Variants in TMEM132D observed in about 807,000 individuals in gnomAD.
The protein encoded by TMEM132D is mature OL transmembrane protein.
A neutral mutation model predicts 62.3 loss-of-function variants in TMEM132D; 21 were observed. The ratio of observed to expected loss-of-function variants is 0.34; its 90% CI spans 0.24 to 0.49. The LOEUF is 0.49. TMEM132D is among the 20% of genes least tolerant of loss of function. The probability of loss-of-function intolerance (pLI) is 0.99; values close to 1 mark genes in which losing one functional copy is unlikely to be tolerated. For synonymous variants in TMEM132D, 621 were observed against 575.6 expected, an observed-to-expected ratio of 1.08 and a Z score of -1.13; for missense variants, 1,346 against 1,402.8, an observed-to-expected ratio of 0.96 and a Z score of 0.65.
intron 4 of TMEM132D, among the ~76,000 whole-genome samples, chr12:129,267,449 A>G (rs1880727557): frequency 6.6e-6 from 1 of 152,200 alleles, no homozygotes; most frequent in South Asian, 2.1e-4. Context: ...TTCAAAGAGA[A>G]TAAAATACCT....
intron 2 of TMEM132D, among the ~76,000 whole-genome samples, chr12:129,599,822 A>T (rs774255021): frequency 1.3e-5 from 2 of 152,214 alleles, no homozygotes; most frequent in Non-Finnish European, 2.9e-5. Context: ...ACATGCTTCA[A>T]TTTAAAAATA....
intron 3 of TMEM132D, among the ~76,000 whole-genome samples, chr12:129,421,481 C>T (rs886084506): frequency 2.0e-5 from 3 of 152,176 alleles, no homozygotes; most frequent in Middle Eastern, 3.2e-3. Flanking sequence ...TATGACATTG[C>T]TTGGGTGGAG....
chr12:129,098,588 C>T (rs1313651441), intron 5 of TMEM132D, among the ~76,000 whole-genome samples: 1 of 152,170 alleles, frequency 6.6e-6, no homozygotes, highest in African/African-American at 2.4e-5. Context: ...GGTGTTATTA[C>T]ATCTCCATTT....
At chr12:129,366,006 G>A (rs1364549869) in intron 3 of TMEM132D, among the ~76,000 whole-genome samples, 3 of 151,426 alleles carry the variant, frequency 2.0e-5, no homozygotes, top group Non-Finnish European at 4.4e-5. Context: ...CTAAACTTTA[G>A]TCACTCAGGG....
intron 5 of TMEM132D, among the ~76,000 whole-genome samples, chr12:129,161,423 C>A (rs1020710789): frequency 6.6e-6 from 1 of 152,160 alleles, no homozygotes; most frequent in Non-Finnish European, 1.5e-5. Context: ...CATTTAGTAT[C>A]GTAACCGACT....
intron 5 of TMEM132D, among the ~76,000 whole-genome samples, chr12:129,102,161 C>T (rs1178895786): frequency 2.6e-5 from 4 of 152,112 alleles, no homozygotes; most frequent in African/African-American, 7.2e-5. Flanking sequence ...TTCTAATCCC[C>T]AAGGAGCACA....
chr12:129,264,384 G>A (rs183406076), intron 4 of TMEM132D, among the ~76,000 whole-genome samples: 4 of 152,058 alleles, frequency 2.6e-5, no homozygotes, highest in Admixed American at 2.6e-4. Context: ...GCGAAATCCT[G>A]TCTCAAAAAA....
At chr12:129,713,041 C>G (rs1454086192) in intron 1 of TMEM132D, among the ~76,000 whole-genome samples, 6 of 152,152 alleles carry the variant, frequency 3.9e-5, no homozygotes, top group Non-Finnish European at 1.5e-5. Context: ...GAGCCTAACC[C>G]TGACTTTAAG....
intron 4 of TMEM132D, among the ~76,000 whole-genome samples, chr12:129,320,135 T>A (rs1868641831): frequency 6.6e-6 from 1 of 152,118 alleles, no homozygotes; most frequent in Admixed American, 6.5e-5. Context: ...CTGGGGTTAA[T>A]CAAAATAGGG....
At chr12:129,581,713 T>C (rs1414904109) in intron 2 of TMEM132D, among the ~76,000 whole-genome samples, 2 of 152,204 alleles carry the variant, frequency 1.3e-5, no homozygotes, top group Non-Finnish European at 1.5e-5. Context: ...TCACCCAGAC[T>C]GAGCGTGGGT....
intron 1 of TMEM132D, among the ~76,000 whole-genome samples, chr12:129,754,255 C>T (rs1333100785): frequency 2.0e-5 from 3 of 152,132 alleles, no homozygotes; most frequent in Non-Finnish European, 2.9e-5. Context: ...TATCCAGGTC[C>T]AAAGCAGAAA....
At chr12:129,202,346 G>C (rs1878728735) in intron 5 of TMEM132D, among the ~76,000 whole-genome samples, 1 of 152,188 alleles carries the variant, frequency 6.6e-6, no homozygotes. Flanking sequence ...CGTACCAGGT[G>C]ACTCTTTGTC....
At chr12:129,483,048 C>A (rs1002910000) in intron 3 of TMEM132D, among the ~76,000 whole-genome samples, 13 of 150,662 alleles carry the variant, frequency 8.6e-5, no homozygotes, top group African/African-American at 3.2e-4. Context: ...CCTTTTACTG[C>A]GAAATTCAAA....
intron 3 of TMEM132D, among the ~76,000 whole-genome samples, chr12:129,469,519 AT>A (rs1874030675): frequency 6.6e-6 from 1 of 152,190 alleles, no homozygotes; most frequent in African/African-American, 2.4e-5. Context: ...GTAACTGAGA[AT>A]TTTAAAATTA....
chr12:129,420,839 T>C (rs1252769337), intron 3 of TMEM132D, among the ~76,000 whole-genome samples: 1 of 152,180 alleles, frequency 6.6e-6, no homozygotes, highest in African/African-American at 2.4e-5. Flanking sequence ...CCCAGGAATG[T>C]TTTTGTGTTT....
intron 2 of TMEM132D, among the ~76,000 whole-genome samples, chr12:129,613,040 C>A (rs572656974): frequency 6.6e-6 from 1 of 152,300 alleles, no homozygotes; most frequent in Non-Finnish European, 1.5e-5. Flanking sequence ...CCGTCCTGAG[C>A]CCATCTGTTC....
chr12:129,450,667 C>A (rs543728549), intron 3 of TMEM132D, among the ~76,000 whole-genome samples: 1 of 151,918 alleles, frequency 6.6e-6, no homozygotes, highest in East Asian at 1.9e-4. Flanking sequence ...GGCATCCCTG[C>A]AACAGGGTCC....
intron 1 of TMEM132D, among the ~76,000 whole-genome samples, chr12:129,786,233 G>A (rs2398483): frequency 0.93 from 140,770 of 152,106 alleles, 66,096 homozygotes; most frequent in East Asian, 1. Flanking sequence ...GAGCTGCAGC[G>A]CCCCTGGGGC....
rs369810371 is a variant in TMEM132D, at chr12:129,319,272, G to T, written c.1299+18362C>A. ...GCTTGGGGACCCAGCGAGCTCCCAG[G>T]GCCTTTCTGCTGCTTCCTCTACCCC... On this transcript the variant is annotated intron_variant, in intron 4 of 8. Coordinates refer to ENST00000422113, the MANE Select transcript of TMEM132D (RefSeq NM_133448.3). 8.1e-3 allele frequency among the ~76,000 whole-genome samples: 1,240 copies of T among 152,304 alleles called. 8 individuals are homozygous for T. Among genetic ancestry groups the T allele is most frequent in the Non-Finnish European group, 0.012 (821 of 68,030 alleles).
Sources: gnomAD v4.1 joint callset for allele counts (sites outside exome capture counted in the v4.1 genomes callset) on GRCh38, gnomAD v4.1.1 for gene constraint, MANE v1.5 for transcripts, NCBI Gene and HGNC (gene_info 2026-07-23, HGNC 2026-07-21) for gene names.